The following DNAH9 variants were observed in gnomAD, a reference collection of about 807,000 sequenced individuals.
The protein encoded by DNAH9 is dynein axonemal heavy chain 9.
DNAH9 carries 345 observed loss-of-function variants against 471.6 expected under a neutral mutation model. The observed-to-expected ratio is 0.73, with a 90% confidence interval of 0.67 to 0.80. The LOEUF is 0.80. DNAH9 is among the 30% of genes least tolerant of loss of function. DNAH9 has a pLI of 0.00. For missense variants in DNAH9, 5,407 were observed against 5,609.2 expected, an observed-to-expected ratio of 0.96 and a Z score of 1.15; for synonymous variants, 2,093 against 2,123.6, an observed-to-expected ratio of 0.99 and a Z score of 0.40.
At chr17:11,713,786 A>G (rs1221538172) in intron 26 of DNAH9, among the ~76,000 whole-genome samples, 1 of 152,156 alleles carries the variant, frequency 6.6e-6, no homozygotes, top group Non-Finnish European at 1.5e-5. Context: ...AAATTCTAAA[A>G]GTTTTACTCT....
rs1358382803 is a variant in DNAH9, at chr17:11,669,545, T to TCA, written c.3106_3107dup (p.Pro1037LeufsTer50). 6.2e-7 allele frequency: 1 copy of TCA among 1,614,126 alleles called. No homozygotes were observed. The highest frequency in any genetic ancestry group is 8.5e-7 in the Non-Finnish European group (1 of 1,180,028). ...CAGTTTCTGCTGTACGGGCACATCC[T>TCA]CACTCCGGAAGAAATTGAAGACCAT... On this transcript the variant is annotated frameshift_variant, in exon 17 of 69. Transcript: ENST00000262442. LOFTEE classifies it high-confidence loss of function.
At chr17:11,941,346 C>G (rs1008463887) in intron 66 of DNAH9, among the ~76,000 whole-genome samples, 1 of 152,152 alleles carries the variant, frequency 6.6e-6, no homozygotes, top group African/African-American at 2.4e-5. Context: ...CCCTCTCTCC[C>G]TCTGTCCCAA....
At chr17:11,856,008 T>A (rs1440549118) in intron 50 of DNAH9, among the ~76,000 whole-genome samples, 1 of 152,188 alleles carries the variant, frequency 6.6e-6, no homozygotes, top group Admixed American at 6.5e-5. Context: ...CAGCCCATGA[T>A]GAAGGGAGCA....
At chr17:11,841,789 T>G (rs9895674) in intron 49 of DNAH9, among the ~76,000 whole-genome samples, 1 of 152,086 alleles carries the variant, frequency 6.6e-6, no homozygotes, top group South Asian at 2.1e-4. Context: ...AAATGAGAGG[T>G]GGGTTTGCGT....
rs559692113 is a variant in DNAH9, at chr17:11,623,269, C to T, written c.1350+3488C>T. On this transcript the variant is annotated intron_variant, in intron 6 of 68. Transcript: ENST00000262442. This position sits in a 1 kb window ranked among gnomAD's most constrained non-coding sequence, Gnocchi z 4.1. ...GATTACAGGTGTGAGCCACCGTGCC[C>T]GGCCAGCATTTCTTTTCTTGACTGT... 1.1e-4 allele frequency among the ~76,000 whole-genome samples: 16 copies of T among 152,174 alleles called. No homozygotes were observed. The highest frequency in any genetic ancestry group is 7.7e-4 in the East Asian group (4 of 5,162).
At chr17:11,647,335 C>T (rs376428970) in intron 12 of DNAH9, 137 bp downstream of exon 12, 12 of 800,856 alleles carry the variant, frequency 1.5e-5, no homozygotes, top group East Asian at 5.4e-5. Flanking sequence ...TGCAGTGGCG[C>T]GATCTCAGCT....
chr17:11,708,092 G>GT (rs1013562806), intron 26 of DNAH9, among the ~76,000 whole-genome samples: 1 of 149,708 alleles, frequency 6.7e-6, no homozygotes, highest in Admixed American at 6.7e-5. Context: ...TGATCTTAAT[G>GT]TTTCCCCCAT....
At chr17:11,610,126 C>T (rs2072602645) in intron 2 of DNAH9, among the ~76,000 whole-genome samples, 1 of 152,168 alleles carries the variant, frequency 6.6e-6, no homozygotes, top group African/African-American at 2.4e-5. Context: ...TTAAACTAGT[C>T]TTCAGGATAT....
At chr17:11,618,065 C>T (rs2072781816) in intron 5 of DNAH9, among the ~76,000 whole-genome samples, 1 of 152,242 alleles carries the variant, frequency 6.6e-6, no homozygotes, top group South Asian at 2.1e-4. Context: ...CTGTGCCTCA[C>T]TCTCCTCCTC....
chr17:11,735,346 C>T (rs2075327840), intron 28 of DNAH9, among the ~76,000 whole-genome samples: 1 of 152,138 alleles, frequency 6.6e-6, no homozygotes, highest in South Asian at 2.1e-4. Flanking sequence ...CCACACGACC[C>T]CTGGGAGAGA....
At position 11,694,728 on chromosome 17, in the gene DNAH9, T is replaced by TC. The variant is rs1567724991; in HGVS notation, c.4872+281_4872+282insC. Among the ~76,000 whole-genome samples the TC allele has an allele frequency of 6.2e-3, 16 of 2,592 alleles. 8 individuals are homozygous for TC. The highest frequency in any genetic ancestry group is 0.055 in the East Asian group (6 of 110). 1.7% of individuals were successfully genotyped at this position (2,592 alleles called of 152,430 possible). A position where few individuals can be genotyped will look rare whatever the true frequency, so the allele number is the denominator to read the frequency against. Reference sequence around the variant, plus strand: ...TCTCTCTCTCTCTCTCTCTCTCTCTTTCTCTTTCTTTCTTTCTTTCTTTCC... The same window carrying TC: ...TCTCTCTCTCTCTCTCTCTCTCTCTTCTCTCTTTCTTTCTTTCTTTCTTTCC... On this transcript the variant is annotated intron_variant, in intron 22 of 68. Transcript: ENST00000262442.
chr17:11,701,162 C>A lies in DNAH9; in HGVS notation c.5066C>A (p.Ala1689Asp), dbSNP rs775866786. The change falls in exon 24 of 69, where the codon GCC (alanine) becomes GAC (aspartate). Residue 1689 changes from alanine (A) to aspartate (D), a missense_variant. Physicochemically the swap from Ala to Asp is moderately radical, Grantham distance 126. This residue lies in a region of DNAH9 where 4,636 missense variants were observed against 4,900.3 expected (regional missense o/e 0.95). Transcript: ENST00000262442. ...AACCATGTCCTTGGTCACATGAAGG[C>A]CACTGTGAGGCATGAGATGACAGAA... Reference protein sequence around the residue: ...WLNHVLGHMKATVRHEMTEGV... With the variant: ...WLNHVLGHMKDTVRHEMTEGV... 2 of 1,614,026 alleles carry A rather than the reference C, an allele frequency of 1.2e-6. No homozygotes were observed. The highest frequency in any genetic ancestry group is 2.2e-5 in the South Asian group (2 of 91,074).
chr17:11,661,681 G>T (rs1271303957), intron 14 of DNAH9, among the ~76,000 whole-genome samples: 1 of 152,010 alleles, frequency 6.6e-6, no homozygotes, highest in Non-Finnish European at 1.5e-5. Context: ...CAGAAACCTT[G>T]CAAAAGTGTG....
chr17:11,673,218 A>G (rs1334681902), intron 17 of DNAH9, among the ~76,000 whole-genome samples: 1 of 152,152 alleles, frequency 6.6e-6, no homozygotes, highest in Non-Finnish European at 1.5e-5. Context: ...CTCTGCCTTT[A>G]TGACTCTGCC....
chr17:11,768,034 T>C (rs1968040320), intron 36 of DNAH9, among the ~76,000 whole-genome samples: 1 of 152,154 alleles, frequency 6.6e-6, no homozygotes, highest in Admixed American at 6.5e-5. Context: ...GCCCCAGGTG[T>C]CAAGAGTCAC....
At chr17:11,738,523 G>T (rs2075384735) in intron 28 of DNAH9, among the ~76,000 whole-genome samples, 1 of 152,194 alleles carries the variant, frequency 6.6e-6, no homozygotes, top group African/African-American at 2.4e-5. Flanking sequence ...TGGGATTACA[G>T]ATGCACACCA....
At chr17:11,736,219 G>A (rs180980874) in intron 28 of DNAH9, among the ~76,000 whole-genome samples, 59 of 152,230 alleles carry the variant, frequency 3.9e-4, no homozygotes, top group Non-Finnish European at 6.8e-4. Context: ...GCTTGGGATG[G>A]AATAATTCAC....
In DNAH9 at chr17:11,619,676, C is replaced by A. The variant is rs1169616506; in HGVS notation, c.1245C>A (p.Leu415=). The change falls in exon 6 of 69, where the codon CTC becomes CTA. Residue 415 remains leucine (L), a synonymous_variant. Coordinates refer to ENST00000262442, the MANE Select transcript of DNAH9 (RefSeq NM_001372.4). ...KQEFQDRREN[L]HTYFKENQEV... ...AGTTTCAGGACAGAAGGGAGAATCT[C>A]CACACTTACTTCAAAGAGAACCAGG... The A allele has an allele frequency of 6.2e-7, 1 of 1,613,874 alleles. No individual in the cohort carries two copies. The highest frequency in any genetic ancestry group is 2.2e-5 in the East Asian group (1 of 44,876).
intron 19 of DNAH9, among the ~76,000 whole-genome samples, chr17:11,681,598 G>A (rs1448505765): frequency 1.3e-5 from 2 of 152,096 alleles, no homozygotes; most frequent in East Asian, 1.9e-4. Flanking sequence ...TTGCCCTAAC[G>A]CTCCAGCTCT....
Sources: gnomAD v4.1 joint callset for allele counts (sites outside exome capture counted in the v4.1 genomes callset) on GRCh38, gnomAD v4.1.1 for gene constraint, gnomAD v4.1.1 regional missense constraint, Gnocchi (gnomAD v3.1) non-coding constraint, MANE v1.5 for transcripts, NCBI Gene and HGNC (gene_info 2026-07-23, HGNC 2026-07-21) for gene names.